Variants in XRCC4 observed in about 807,000 individuals in gnomAD.
XRCC4 encodes the protein DNA repair protein XRCC4.
Under a neutral mutation model 39.1 loss-of-function variants are expected in XRCC4, and 28 were observed. The observed-to-expected ratio is 0.72, with a 90% CI of 0.53 to 0.98. XRCC4 has a LOEUF of 0.98. Among genes scored for constraint, XRCC4 ranks in the 50% least tolerant of loss-of-function variants. The pLI is 0.00. For missense variants in XRCC4, 350 were observed against 376.4 expected (o/e 0.93, Z 0.58); for synonymous variants, 123 against 126.4 (o/e 0.97, Z 0.18).
chr5:83,336,371 AT>A (rs1422754228), intron 7 of XRCC4, among the ~76,000 whole-genome samples: 1 of 152,048 alleles, frequency 6.6e-6, no homozygotes, highest in Non-Finnish European at 1.5e-5. Context: ...AACTTTTAGA[AT>A]TTCTTGGTTT....
chr5:83,196,621 G>A (rs1018084635), intron 4 of XRCC4, among the ~76,000 whole-genome samples: 1 of 151,652 alleles, frequency 6.6e-6, no homozygotes, highest in Non-Finnish European at 1.5e-5. Context: ...AATGCATGTT[G>A]TGAACACTTG....
chr5:83,078,341 G>A (rs1333170595), intron 1 of XRCC4, among the ~76,000 whole-genome samples: 1 of 152,236 alleles, frequency 6.6e-6, no homozygotes, highest in African/African-American at 2.4e-5. Context: ...TAAAGTATTA[G>A]AAATGAGAGT....
chr5:83,352,379 A>T lies in XRCC4; in HGVS notation c.894-752A>T, dbSNP rs931050247. Among the ~76,000 whole-genome samples, 62 of 152,220 alleles carry T rather than the reference A, an allele frequency of 4.1e-4. 1 individual carries two copies. The highest frequency in any genetic ancestry group is 4.0e-3 in the Admixed American group (61 of 15,284). ...AACCACTGACAAGGTTTCTACAAGG[A>T]TATTAACACACACTCCACAGCTTTA... is the stretch of plus-strand genomic sequence containing the variant. On this transcript the variant is annotated intron_variant, in intron 7 of 7. Coordinates refer to ENST00000396027, the MANE Select transcript of XRCC4 (RefSeq NM_003401.5).
At chr5:83,164,640 A>C (rs1450309419) in intron 3 of XRCC4, among the ~76,000 whole-genome samples, 3 of 152,158 alleles carry the variant, frequency 2.0e-5, no homozygotes, top group Admixed American at 1.3e-4. Context: ...GATTGTGGTA[A>C]TTATTTCACA....
chr5:83,310,086 A>G (rs1254183599), intron 7 of XRCC4, among the ~76,000 whole-genome samples: 1 of 152,234 alleles, frequency 6.6e-6, no homozygotes, highest in East Asian at 1.9e-4. Flanking sequence ...AGATGTAGTC[A>G]TATTTAAAGA....
intron 3 of XRCC4, among the ~76,000 whole-genome samples, chr5:83,161,503 A>C (rs1224764792): frequency 6.6e-6 from 1 of 152,208 alleles, no homozygotes; most frequent in Non-Finnish European, 1.5e-5. Context: ...ACTACCTTTT[A>C]GTAGATAAGT....
In XRCC4 at chr5:83,191,727, C is replaced by A. The variant is rs562668154; in HGVS notation, c.316-4043C>A. On this transcript the variant is annotated intron_variant, in intron 3 of 7. Coordinates refer to ENST00000396027, the MANE Select transcript of XRCC4 (RefSeq NM_003401.5). ...AACCCAAAAAACAAAAAACAGGTTT[C>A]CCTGCATAAGCTCTGTTTTTGCCTG... 2.0e-5 allele frequency among the ~76,000 whole-genome samples: 3 copies of A among 152,184 alleles called. No individual in the cohort carries two copies. The East Asian group carries it at 5.8e-4, about 30-fold the overall frequency.
At chr5:83,320,594 G>C (rs1241314245) in intron 7 of XRCC4, among the ~76,000 whole-genome samples, 1 of 151,678 alleles carries the variant, frequency 6.6e-6, no homozygotes, top group Non-Finnish European at 1.5e-5. Flanking sequence ...AATATTTTGT[G>C]AAGGGGTCAA....
At chr5:83,137,192 T>G (rs1747941144) in intron 3 of XRCC4, among the ~76,000 whole-genome samples, 2 of 152,196 alleles carry the variant, frequency 1.3e-5, no homozygotes, top group African/African-American at 4.8e-5. Flanking sequence ...TTGATCATGA[T>G]GATGGCACGT....
At chr5:83,318,193 T>C (rs2112119495) in intron 7 of XRCC4, among the ~76,000 whole-genome samples, 1 of 142,916 alleles carries the variant, frequency 7.0e-6, no homozygotes, top group Non-Finnish European at 1.5e-5. Context: ...TAGGTGTTGA[T>C]GGGACGTATT....
chr5:83,078,011 G>C (rs1311462342), intron 1 of XRCC4: 1 of 152,226 alleles, frequency 6.6e-6, no homozygotes, highest in Non-Finnish European at 1.5e-5. Flanking sequence ...CCAGATATTG[G>C]TAAACTGTGG....
chr5:83,264,062 A>G (rs1016610581), intron 7 of XRCC4, among the ~76,000 whole-genome samples: 2 of 152,170 alleles, frequency 1.3e-5, no homozygotes, highest in African/African-American at 2.4e-5. Flanking sequence ...CCCCACCTCC[A>G]TAGAGTGCAG....
chr5:83,281,356 A>G, intron 7 of XRCC4, among the ~76,000 whole-genome samples: 1 of 152,272 alleles, frequency 6.6e-6, no homozygotes, highest in East Asian at 1.9e-4. Context: ...CTCAAGATAA[A>G]GTTCAAACCC....
chr5:83,083,269 T>A (rs1294612275), intron 1 of XRCC4, among the ~76,000 whole-genome samples: 2 of 152,160 alleles, frequency 1.3e-5, no homozygotes, highest in Non-Finnish European at 2.9e-5. Context: ...TTTTTATCTG[T>A]TTTGTTGTCT....
intron 6 of XRCC4, among the ~76,000 whole-genome samples, chr5:83,219,300 G>C (rs12514369): frequency 0.06 from 9,075 of 151,800 alleles, 988 homozygotes; most frequent in East Asian, 0.48. Flanking sequence ...TCTTTTTTTG[G>C]GTGTGTTGGG....
intron 7 of XRCC4, among the ~76,000 whole-genome samples, chr5:83,305,566 T>C (rs1295130509): frequency 1.3e-5 from 2 of 152,090 alleles, no homozygotes; most frequent in Admixed American, 6.6e-5. Flanking sequence ...GAATACCCTT[T>C]GGAAAATTCT....
At chr5:83,195,629 C>G (rs1346940763) in intron 3 of XRCC4, 141 bp from the exon 4 acceptor site, 1 of 775,654 alleles carries the variant, frequency 1.3e-6, no homozygotes, top group Non-Finnish European at 1.9e-6. Context: ...TTTTTGCTCA[C>G]TGTTTGTATA....
At chr5:83,281,368 T>C (rs1300476546) in intron 7 of XRCC4, among the ~76,000 whole-genome samples, 1 of 152,172 alleles carries the variant, frequency 6.6e-6, no homozygotes, top group Non-Finnish European at 1.5e-5. Context: ...TTCAAACCCC[T>C]GAATTTAGTA....
intron 3 of XRCC4, among the ~76,000 whole-genome samples, chr5:83,190,570 G>T (rs2731865): frequency 0.46 from 69,584 of 151,860 alleles, 16,421 homozygotes; most frequent in South Asian, 0.52. Context: ...GCAAGTTTAT[G>T]TAGTCTACTT....
Sources: allele counts gnomAD v4.1 joint callset (sites outside exome capture counted in the v4.1 genomes callset), GRCh38; gene constraint gnomAD v4.1.1; transcripts MANE v1.5; gene names NCBI Gene and HGNC (gene_info 2026-07-23, HGNC 2026-07-21).